SLFN14: variants seen among roughly 807,000 people sequenced by gnomAD.
The protein encoded by SLFN14 is protein SLFN14.
SLFN14 carries 47 observed loss-of-function variants against 58.6 expected under a neutral mutation model. The ratio of observed to expected loss-of-function variants is 0.80; its 90% CI spans 0.64 to 1.02. SLFN14 has a LOEUF of 1.02. SLFN14 is among the 50% of genes least tolerant of loss of function. The probability of loss-of-function intolerance (pLI) is 0.00; values close to 1 mark genes in which losing one functional copy is unlikely to be tolerated. For missense variants in SLFN14, 967 were observed against 1,078.4 expected, an observed-to-expected ratio of 0.90 and a Z score of 1.45; for synonymous variants, 390 against 387.3, an observed-to-expected ratio of 1.01 and a Z score of -0.08.
chr17:35,555,630 A>G (rs1248704380), intron 3 of SLFN14, among the ~76,000 whole-genome samples: 1 of 152,102 alleles, frequency 6.6e-6, no homozygotes. Context: ...CAGGATCTTT[A>G]GGGGAGAGGA....
rs545650726 is a variant in SLFN14, at chr17:35,556,960, G to T, written c.1060+43C>A. On this transcript the variant is annotated intron_variant, in intron 3 of 5. Coordinates refer to ENST00000674182, the MANE Select transcript of SLFN14 (RefSeq NM_001129820.2). The stretch of plus-strand genomic sequence containing the variant: ...ATACCCACAAAAGGCAGAGAAAGGG[G>T]TTCCTCCCTGCTGATGGGGACAATG... 8.8e-6 allele frequency: 13 copies of T among 1,482,036 alleles called. No individual in the cohort carries two copies. In the African/African-American group the frequency reaches 1.6e-4, roughly 18 times the overall value. 91.8% of individuals were successfully genotyped at this position (1,482,036 alleles called of 1,614,324 possible). A position where few individuals can be genotyped will look rare whatever the true frequency, so the allele number is the denominator to read the frequency against.
chr17:35,550,282 ACG>A (rs2072573111), intron 5 of SLFN14, among the ~76,000 whole-genome samples: 1 of 152,224 alleles, frequency 6.6e-6, no homozygotes, highest in African/African-American at 2.4e-5. Context: ...GCAGTGGCTC[ACG>A]CCTGTAATCC....
Position 35,548,886 on chromosome 17 carries a change from T to G in SLFN14, c.2092A>C (p.Ile698Leu), listed in dbSNP as rs1334683450. 6.4e-7 allele frequency: 1 copy of G among 1,551,722 alleles called. No individual in the cohort carries two copies. Among genetic ancestry groups the G allele is most frequent in the Non-Finnish European group, 8.7e-7 (1 of 1,146,982 alleles). ...GTGSENLHHG[I>L]LWLFLDPFQI... The stretch of plus-strand genomic sequence containing the variant: ...AAAGGGTCAAGAAAAAGCCAGAGAA[T>G]CCCATGGTGAAGGTTTTCACTTCCA... Residue 698 changes from isoleucine (I) to leucine (L), a missense_variant, in exon 6 of 6, where the codon ATT becomes CTT. Physicochemically the swap from Ile to Leu is conservative, Grantham distance 5. Transcript: ENST00000674182.
In SLFN14 at chr17:35,544,142, A is replaced by T. The variant is rs2072518424; in HGVS notation, c.*4097T>A. Among the ~76,000 whole-genome samples, 1 of 152,200 alleles carries T rather than the reference A, an allele frequency of 6.6e-6. No homozygotes were observed. The highest frequency in any genetic ancestry group is 2.4e-5 in the African/African-American group (1 of 41,446). ...GTGGCTGGTGGGCCACCCAGGGTAC[A>T]TTCTTTGTATGGAAACAGCAGAAAC... On this transcript the variant is annotated 3_prime_UTR_variant, in exon 6 of 6. Coordinates refer to ENST00000674182, the MANE Select transcript of SLFN14 (RefSeq NM_001129820.2).
chr17:35,548,940 T>C lies in SLFN14; in HGVS notation c.2038A>G (p.Asn680Asp). The stretch of plus-strand genomic sequence containing the variant: ...CCCTTCGCCTTTGGATGGGTGATGT[T>C]CTTAGCCTTCATGTACCAATTGCCA... ...KYGNWYMKAKNITHPKAKGTG... is the reference protein window; with the variant it reads ...KYGNWYMKAKDITHPKAKGTG... Residue 680 changes from asparagine (N) to aspartate (D), a missense_variant, in exon 6 of 6, where the codon AAC becomes GAC. Asn to Asp is a conservative substitution (Grantham distance 23, BLOSUM62 1). Coordinates refer to ENST00000674182, the MANE Select transcript of SLFN14 (RefSeq NM_001129820.2). 6.4e-7 allele frequency: 1 copy of C among 1,551,722 alleles called. No homozygotes were observed. The highest frequency in any genetic ancestry group is 8.7e-7 in the Non-Finnish European group (1 of 1,147,000).
chr17:35,560,260 A>G (rs555730152), intron 1 of SLFN14, among the ~76,000 whole-genome samples: 1 of 152,378 alleles, frequency 6.6e-6, no homozygotes, highest in African/African-American at 2.4e-5. Flanking sequence ...GCTGATAACA[A>G]TTATGATAAA....
intron 5 of SLFN14, among the ~76,000 whole-genome samples, chr17:35,549,375 G>A (rs1203653913): frequency 6.6e-6 from 1 of 152,178 alleles, no homozygotes; most frequent in Non-Finnish European, 1.5e-5. Flanking sequence ...CAATCCTGAA[G>A]ACAAGTTCAT....
Position 35,547,008 on chromosome 17 carries a change from A to G in SLFN14, c.*1231T>C, listed in dbSNP as rs958262290. ...TCAGAGATGTGCAAAGGCCCCTTGTAGGAAGACTACTTTCCAGGCCAGCGG... is the reference window on the plus strand; with the variant it reads ...TCAGAGATGTGCAAAGGCCCCTTGTGGGAAGACTACTTTCCAGGCCAGCGG... On this transcript the variant is annotated 3_prime_UTR_variant, in exon 6 of 6. Coordinates refer to ENST00000674182, the MANE Select transcript of SLFN14 (RefSeq NM_001129820.2). Among the ~76,000 whole-genome samples the G allele has an allele frequency of 3.9e-5, 6 of 152,198 alleles. No homozygotes were observed. The highest frequency in any genetic ancestry group is 1.4e-4 in the African/African-American group (6 of 41,458).
At chr17:35,558,825 T>G (rs1242816946) in intron 2 of SLFN14, among the ~76,000 whole-genome samples, 1 of 152,104 alleles carries the variant, frequency 6.6e-6, no homozygotes, top group Non-Finnish European at 1.5e-5. Context: ...AAGATGCTCT[T>G]ATTTATAATT....
Position 35,557,318 on chromosome 17 carries a change from C to T in SLFN14, c.745G>A (p.Asp249Asn), listed in dbSNP as rs559890215. The change falls in exon 3 of 6, where the codon GAT becomes AAT. Residue 249 changes from aspartate (D) to asparagine (N), a missense_variant. Physicochemically the swap from Asp to Asn is conservative, Grantham distance 23. Transcript: ENST00000674182. Reference protein sequence around the residue: ...QGGYVLIGVDDKSKEVVGCKW... With the variant: ...QGGYVLIGVDNKSKEVVGCKW... The stretch of plus-strand genomic sequence containing the variant: ...CATCCAACCACTTCTTTGCTCTTAT[C>T]ATCCACCCCAATGAGGACATATCCC... 22 of 1,551,726 alleles carry T rather than the reference C, an allele frequency of 1.4e-5. No individual in the cohort carries two copies. The South Asian group carries it at 2.3e-4, about 16-fold the overall frequency.
chr17:35,550,962 A>G (rs1357895699), intron 5 of SLFN14, among the ~76,000 whole-genome samples: 2 of 152,202 alleles, frequency 1.3e-5, no homozygotes, highest in Admixed American at 1.3e-4. Flanking sequence ...AAAACATTAC[A>G]TATCAAACAG....
At chr17:35,556,102 A>G (rs1597909936) in intron 3 of SLFN14, among the ~76,000 whole-genome samples, 1 of 151,792 alleles carries the variant, frequency 6.6e-6, no homozygotes, top group South Asian at 2.1e-4. Context: ...CAGTGGAGTG[A>G]TCTTGGCTGA....
Position 35,547,519 on chromosome 17 carries a change from C to T in SLFN14, c.*720G>A, listed in dbSNP as rs911203233. Reference sequence around the variant, plus strand: ...CTGATTAGCAAAAGCATTTGACCCACTTATGACTATGGTCCTCACTATAAA... The same window carrying T: ...CTGATTAGCAAAAGCATTTGACCCATTTATGACTATGGTCCTCACTATAAA... On this transcript the variant is annotated 3_prime_UTR_variant, in exon 6 of 6. Coordinates refer to ENST00000674182, the MANE Select transcript of SLFN14 (RefSeq NM_001129820.2). Among the ~76,000 whole-genome samples, 41 of 152,224 alleles carry T rather than the reference C, an allele frequency of 2.7e-4. No individual in the cohort carries two copies. Among genetic ancestry groups the T allele is most frequent in the African/African-American group, 9.4e-4 (39 of 41,458 alleles).
At chr17:35,554,911 T>C (rs1597908657) in intron 3 of SLFN14, 1 of 352,910 alleles carries the variant, frequency 2.8e-6, no homozygotes, top group East Asian at 4.3e-5. Context: ...ACACATATTC[T>C]AAGTCACTGT....
chr17:35,553,415 C>T lies in SLFN14; in HGVS notation c.1219G>A (p.Glu407Lys). The T allele has an allele frequency of 1.3e-6, 2 of 1,549,950 alleles. No homozygotes were observed. The highest frequency in any genetic ancestry group is 1.7e-6 in the Non-Finnish European group (2 of 1,146,244). Reference sequence around the variant, plus strand: ...GAGAACAGCTTCTTACAGAGGGATTCTGGTTTAAATTGTACCTCTTCCTGT... The same window carrying T: ...GAGAACAGCTTCTTACAGAGGGATTTTGGTTTAAATTGTACCTCTTCCTGT... ...VTQEEVQFKP[E>K]SLCKKLFSDH... is the part of the protein sequence containing the mutation. Residue 407 changes from glutamate (E) to lysine (K), a missense_variant, in exon 5 of 6, where the codon GAA becomes AAA. Coordinates refer to ENST00000674182, the MANE Select transcript of SLFN14 (RefSeq NM_001129820.2).
At position 35,547,598 on chromosome 17, in the gene SLFN14, A is replaced by C. The variant is rs1394786668; in HGVS notation, c.*641T>G. 6.6e-6 allele frequency among the ~76,000 whole-genome samples: 1 copy of C among 152,228 alleles called. No homozygotes were observed. Among genetic ancestry groups the C allele is most frequent in the Non-Finnish European group, 1.5e-5 (1 of 68,038 alleles). On this transcript the variant is annotated 3_prime_UTR_variant, in exon 6 of 6. Transcript: ENST00000674182. Reference sequence around the variant, plus strand: ...TTGGTCCTTTGTGAGCTTGATTAGCATAAAGCATCCCCAAGAGACTGATCT... The same window carrying C: ...TTGGTCCTTTGTGAGCTTGATTAGCCTAAAGCATCCCCAAGAGACTGATCT...
chr17:35,544,693 T>C lies in SLFN14; in HGVS notation c.*3546A>G, dbSNP rs2072522387. Among the ~76,000 whole-genome samples the C allele has an allele frequency of 6.6e-6, 1 of 152,060 alleles. No homozygotes were observed. Among genetic ancestry groups the C allele is most frequent in the Admixed American group, 6.5e-5 (1 of 15,270 alleles). The stretch of plus-strand genomic sequence containing the variant: ...ACAGGCATGCGCCACCATGCCCAGC[T>C]AATTTTGTATTTTTAGTGGAGACAG... On this transcript the variant is annotated 3_prime_UTR_variant, in exon 6 of 6. Transcript: ENST00000674182.
chr17:35,558,459 T>C (rs2072674285), intron 2 of SLFN14, among the ~76,000 whole-genome samples: 1 of 136,058 alleles, frequency 7.3e-6, no homozygotes, highest in African/African-American at 2.7e-5. Flanking sequence ...GTTCTTGCTA[T>C]TTTTTTTTTT....
In SLFN14 at chr17:35,552,956, T is replaced by G; in HGVS notation, c.1678A>C (p.Ser560Arg). ...AAAAATTCACAGCCCATCTGGTCACTCAGAAGAGATCTGGAGGACAGGGAG... is the reference window on the plus strand; with the variant it reads ...AAAAATTCACAGCCCATCTGGTCACGCAGAAGAGATCTGGAGGACAGGGAG... ...VVSLSSRSLL[S>R]DQMGCEFFNL... The change falls in exon 5 of 6, where the codon AGT becomes CGT. Residue 560 changes from serine (S) to arginine (R), a missense_variant. Physicochemically the swap from Ser to Arg is moderately radical, Grantham distance 110. Coordinates refer to ENST00000674182, the MANE Select transcript of SLFN14 (RefSeq NM_001129820.2). 6.4e-7 allele frequency: 1 copy of G among 1,551,534 alleles called. No individual in the cohort carries two copies.
Sources: allele counts gnomAD v4.1 joint callset (sites outside exome capture counted in the v4.1 genomes callset), GRCh38; gene constraint gnomAD v4.1.1; transcripts MANE v1.5; gene names NCBI Gene and HGNC (gene_info 2026-07-23, HGNC 2026-07-21).